The following EED variants were observed in gnomAD, a reference collection of about 807,000 sequenced individuals.
EED encodes the protein polycomb protein EED.
A neutral mutation model predicts 61.0 loss-of-function variants in EED; 9 were observed. That is an observed-to-expected ratio of 0.15 (90% CI 0.09 to 0.26). The LOEUF is 0.26. Among genes scored for constraint, EED ranks in the 10% least tolerant of loss-of-function variants. EED has a pLI of 1.00. For synonymous variants in EED, 187 were observed against 174.4 expected (o/e 1.07, Z -0.57); for missense variants, 315 against 542.3 (o/e 0.58, Z 4.16).
At chr11:86,262,541 C>T (rs1945859460) in intron 6 of EED, among the ~76,000 whole-genome samples, 1 of 151,926 alleles carries the variant, frequency 6.6e-6, no homozygotes. Context: ...TGCTCCCTCA[C>T]ACCCTCTCCT....
intron 10 of EED, chr11:86,277,476 CTG>C (rs1228128088): frequency 5.3e-6 from 1 of 188,174 alleles, no homozygotes; most frequent in African/African-American, 2.3e-5. Flanking sequence ...ACCTATGTAA[CTG>C]TTTCCTAGAG....
intron 1 of EED, among the ~76,000 whole-genome samples, chr11:86,249,571 G>A (rs1352381065): frequency 6.6e-6 from 1 of 152,168 alleles, no homozygotes. Context: ...GTATGAATTA[G>A]GAGAATTTTC....
chr11:86,265,891 T>C (rs979160943), intron 7 of EED, 192 bp from the exon 8 acceptor site: 4 of 414,410 alleles, frequency 9.7e-6, no homozygotes, highest in South Asian at 5.9e-5. Flanking sequence ...TATTCCGATG[T>C]TGACAAACTA....
intron 4 of EED, among the ~76,000 whole-genome samples, chr11:86,255,547 A>G (rs952001343): frequency 2.0e-5 from 3 of 152,166 alleles, no homozygotes; most frequent in African/African-American, 4.8e-5. Context: ...GCAGATGTCT[A>G]TAGAGATAGG....
At position 86,268,441 on chromosome 11, in the gene EED, C is replaced by T. The variant is rs1490665816; in HGVS notation, c.861-15C>T. 2.7e-6 allele frequency: 4 copies of T among 1,486,968 alleles called. No homozygotes were observed. Among genetic ancestry groups the T allele is most frequent in the Non-Finnish European group, 3.7e-6 (4 of 1,088,628 alleles). 92.1% of individuals were successfully genotyped at this position (1,486,968 alleles called of 1,614,324 possible). A position where few individuals can be genotyped will look rare whatever the true frequency, so the allele number is the denominator to read the frequency against. On this transcript the variant is annotated splice_polypyrimidine_tract_variant and intron_variant, in intron 8 of 11. Coordinates refer to ENST00000263360, the MANE Select transcript of EED (RefSeq NM_003797.5). ...TTTTTTCTTTTAACTTTTTACATTT[C>T]CATTCTTCCTTCAGGCCATTTATTT...
rs1946241416 is a variant in EED, at chr11:86,276,730, C to A, written c.967-250C>A. ...GTTTAACTTGAAAGAGAAATGTTGA[C>A]TTCCAAAATGAATATTTCAGACAAT... On this transcript the variant is annotated intron_variant, in intron 9 of 11. Coordinates refer to ENST00000263360, the MANE Select transcript of EED (RefSeq NM_003797.5). 3 of 285,464 alleles carry A rather than the reference C, an allele frequency of 1.1e-5. No homozygotes were observed. In the South Asian group the frequency reaches 4.3e-4, roughly 41 times the overall value. The allele number at this position is 285,464 out of a possible 1,614,324, so 17.7% of individuals were successfully genotyped here. A position where few individuals can be genotyped will look rare whatever the true frequency, so the allele number is the denominator to read the frequency against.
intron 9 of EED, among the ~76,000 whole-genome samples, chr11:86,269,162 G>A (rs1250643643): frequency 6.6e-6 from 1 of 152,184 alleles, no homozygotes; most frequent in Non-Finnish European, 1.5e-5. Context: ...CACAAAGCCT[G>A]TTTTATAATA....
chr11:86,267,258 G>T (rs532607298), intron 8 of EED, among the ~76,000 whole-genome samples: 1 of 152,216 alleles, frequency 6.6e-6, no homozygotes, highest in Admixed American at 6.5e-5. Flanking sequence ...ATCAGATCAC[G>T]AATAACATTT....
At chr11:86,255,037 T>C (rs896284807) in intron 3 of EED, among the ~76,000 whole-genome samples, 185 bp from the exon 4 acceptor site, 1 of 152,270 alleles carries the variant, frequency 6.6e-6, no homozygotes, top group African/African-American at 2.4e-5. Context: ...ATATTTAATA[T>C]GCTCTGTGTA....
intron 9 of EED, among the ~76,000 whole-genome samples, chr11:86,271,491 C>G (rs1320584783): frequency 6.6e-6 from 1 of 152,030 alleles, no homozygotes; most frequent in Admixed American, 6.6e-5. Flanking sequence ...ATCTATATGC[C>G]TTTTCTTTTT....
intron 8 of EED, 63 bp from the exon 9 acceptor site, chr11:86,268,391 GAA>G (rs1381822590): frequency 1.1e-5 from 12 of 1,084,418 alleles, no homozygotes; most frequent in Non-Finnish European, 1.4e-5. Flanking sequence ...ATCCAAAAAT[GAA>G]AAAGAGTATG....
At position 86,266,105 on chromosome 11, in the gene EED, A is replaced by C. The variant is rs2138196928; in HGVS notation, c.749A>C (p.Lys250Thr). Residue 250 changes from lysine to threonine, a missense_variant, in exon 8 of 12, where the codon AAA becomes ACA. Around this residue, in one of 2 missense-constraint regions of EED, gnomAD observed 205 missense variants for 455.4 expected, o/e 0.45. Transcript: ENST00000263360. ...CAGGATTATGATCTTTTGGGTGAAA[A>C]AATAATGTCCTGTGGTATGGATCAT... ...LSADYDLLGE[K>T]IMSCGMDHSL... The C allele has an allele frequency of 6.3e-7, 1 of 1,596,604 alleles. No individual in the cohort carries two copies. The highest frequency in any genetic ancestry group is 8.5e-7 in the Non-Finnish European group (1 of 1,172,282).
chr11:86,245,441 G>T, intron 1 of EED, 98 bp downstream of exon 1: 1 of 989,452 alleles, frequency 1.0e-6, no homozygotes, highest in South Asian at 1.4e-5. Context: ...TGTGGGGGGA[G>T]GGAGAGGTGT....
intron 7 of EED, chr11:86,265,044 C>T (rs1198573847): frequency 6.6e-6 from 1 of 152,154 alleles, no homozygotes; most frequent in Non-Finnish European, 1.5e-5. Context: ...ACTTGGATTT[C>T]CTAAAAGTTG....
intron 2 of EED, among the ~76,000 whole-genome samples, 156 bp downstream of exon 2, chr11:86,250,604 G>GT (rs1194315664): frequency 1.3e-5 from 2 of 151,440 alleles, no homozygotes; most frequent in East Asian, 3.9e-4. Context: ...TTCAGACTGC[G>GT]TATCTATTTT....
At chr11:86,245,759 A>G (rs1945376492) in intron 1 of EED, among the ~76,000 whole-genome samples, 2 of 152,152 alleles carry the variant, frequency 1.3e-5, no homozygotes, top group South Asian at 4.1e-4. Flanking sequence ...TTGTCACTCT[A>G]AGACCCTTGT....
intron 6 of EED, among the ~76,000 whole-genome samples, chr11:86,260,243 T>A (rs1346373223): frequency 6.6e-6 from 1 of 152,168 alleles, no homozygotes; most frequent in East Asian, 1.9e-4. Context: ...AAATACTGTT[T>A]TAGAGACAGG....
intron 3 of EED, among the ~76,000 whole-genome samples, chr11:86,253,005 C>A (rs1378266915): frequency 6.6e-6 from 1 of 152,130 alleles, no homozygotes; most frequent in South Asian, 2.1e-4. Flanking sequence ...GCCTTGGCCT[C>A]CCAAAGAGCT....
chr11:86,287,321 C>T, the EED span, among the ~76,000 whole-genome samples: 50 of 152,182 alleles, frequency 3.3e-4, no homozygotes, highest in Non-Finnish European at 6.0e-4. Context: ...GTAACTTCCC[C>T]TGCTTTCAGT....
Sources: allele counts gnomAD v4.1 joint callset (sites outside exome capture counted in the v4.1 genomes callset), GRCh38; gene constraint gnomAD v4.1.1; regional missense constraint gnomAD v4.1.1; transcripts MANE v1.5; gene names NCBI Gene and HGNC (gene_info 2026-07-23, HGNC 2026-07-21).